The following SYN3 variants were observed in gnomAD, a reference collection of about 807,000 sequenced individuals.
SYN3 encodes the protein synapsin-3.
Under a neutral mutation model 65.8 loss-of-function variants are expected in SYN3, and 35 were observed. That is an observed-to-expected ratio of 0.53 (90% CI 0.41 to 0.70). SYN3 has a LOEUF of 0.70. Among genes scored for constraint, SYN3 ranks in the 30% least tolerant of loss-of-function variants. The probability of loss-of-function intolerance (pLI) is 0.00; values close to 1 mark genes in which losing one functional copy is unlikely to be tolerated. For synonymous variants in SYN3, 270 were observed against 292.9 expected, an observed-to-expected ratio of 0.92 and a Z score of 0.80; for missense variants, 680 against 749.0, an observed-to-expected ratio of 0.91 and a Z score of 1.08.
intron 7 of SYN3, among the ~76,000 whole-genome samples, chr22:32,581,986 G>A (rs1200671333): frequency 6.6e-6 from 1 of 151,686 alleles, no homozygotes; most frequent in African/African-American, 2.4e-5. Flanking sequence ...TTTTAGTAGA[G>A]ATGGGTTTTC....
chr22:32,897,450 A>G (rs933432852), intron 4 of SYN3, among the ~76,000 whole-genome samples: 2 of 152,200 alleles, frequency 1.3e-5, no homozygotes, highest in African/African-American at 4.8e-5. Context: ...TTACACACAG[A>G]GGGGGTTCCC....
At chr22:32,627,897 C>T (rs913022173) in intron 6 of SYN3, among the ~76,000 whole-genome samples, 14 of 152,132 alleles carry the variant, frequency 9.2e-5, no homozygotes, top group Admixed American at 3.3e-4. Context: ...GGCACCATCT[C>T]GGCTCACTGC....
chr22:32,522,875 C>T (rs1032518971), intron 12 of SYN3, among the ~76,000 whole-genome samples: 5 of 152,116 alleles, frequency 3.3e-5, no homozygotes, highest in South Asian at 2.1e-4. Context: ...CAGTGAGATA[C>T]GGAACTGGAT....
intron 4 of SYN3, among the ~76,000 whole-genome samples, chr22:32,928,121 G>A (rs2050525355): frequency 6.6e-6 from 1 of 152,158 alleles, no homozygotes. Flanking sequence ...ATGAGGTCAG[G>A]AGATGGAGAA....
chr22:32,838,629 A>T (rs1033154072), intron 6 of SYN3, among the ~76,000 whole-genome samples: 1 of 151,994 alleles, frequency 6.6e-6, no homozygotes, highest in Admixed American at 6.6e-5. Context: ...AGTCTTCAAT[A>T]TTTTGGAACA....
chr22:32,670,170 G>A (rs1234675117), intron 6 of SYN3, among the ~76,000 whole-genome samples: 1 of 152,200 alleles, frequency 6.6e-6, no homozygotes, highest in Admixed American at 6.5e-5. Flanking sequence ...GATTGGTAAT[G>A]AGATTTGTTT....
intron 1 of SYN3, among the ~76,000 whole-genome samples, chr22:33,052,976 G>A (rs2054196473): frequency 6.6e-6 from 1 of 152,156 alleles, no homozygotes; most frequent in Non-Finnish European, 1.5e-5. Flanking sequence ...ACAGAGTGTG[G>A]CAACCACTGA....
At chr22:32,958,888 C>A (rs2051551204) in intron 3 of SYN3, among the ~76,000 whole-genome samples, 1 of 152,032 alleles carries the variant, frequency 6.6e-6, no homozygotes, top group African/African-American at 2.4e-5. Flanking sequence ...GACGATAGAA[C>A]CCCAGTGAGG....
intron 6 of SYN3, among the ~76,000 whole-genome samples, chr22:32,632,078 G>T (rs1054993518): frequency 6.6e-6 from 1 of 152,240 alleles, no homozygotes; most frequent in Non-Finnish European, 1.5e-5. Context: ...ACAGATAAAG[G>T]TCTTGTGGCA....
chr22:32,704,547 T>C (rs5998593), intron 6 of SYN3, among the ~76,000 whole-genome samples: 47,295 of 152,150 alleles, frequency 0.31, 7,839 homozygotes, highest in Middle Eastern at 0.4. Flanking sequence ...CGTGTCTTTA[T>C]GGTAGAACAA....
intron 5 of SYN3, among the ~76,000 whole-genome samples, chr22:32,867,085 C>A (rs1452139164): frequency 3.9e-5 from 6 of 152,110 alleles, no homozygotes; most frequent in Admixed American, 1.3e-4. Context: ...AGTGGAGAAG[C>A]CTGGACCTAG....
intron 3 of SYN3, among the ~76,000 whole-genome samples, chr22:32,968,387 T>A (rs944567821): frequency 1.1e-4 from 17 of 152,158 alleles, no homozygotes; most frequent in Non-Finnish European, 1.9e-4. Flanking sequence ...ACCATTCCTA[T>A]CCAGCGAATC....
At chr22:32,694,304 C>A (rs1392203670) in intron 6 of SYN3, among the ~76,000 whole-genome samples, 1 of 152,206 alleles carries the variant, frequency 6.6e-6, no homozygotes, top group Non-Finnish European at 1.5e-5. Flanking sequence ...TCCCCTGCCA[C>A]ATATAAGCCA....
At chr22:32,791,973 C>T (rs1178212578) in intron 6 of SYN3, among the ~76,000 whole-genome samples, 1 of 152,128 alleles carries the variant, frequency 6.6e-6, no homozygotes, top group African/African-American at 2.4e-5. Context: ...TCTTTATAAA[C>T]ACAGGTCACT....
At chr22:32,828,153 G>A (rs1218617582) in intron 6 of SYN3, among the ~76,000 whole-genome samples, 1 of 152,216 alleles carries the variant, frequency 6.6e-6, no homozygotes, top group Non-Finnish European at 1.5e-5. Context: ...AGGAAAGAAT[G>A]CCCTTTTGAC....
At chr22:32,663,250 T>TC (rs1453874845) in intron 6 of SYN3, among the ~76,000 whole-genome samples, 1 of 151,924 alleles carries the variant, frequency 6.6e-6, no homozygotes, top group Non-Finnish European at 1.5e-5. Flanking sequence ...TTGTGAGGCC[T>TC]CCCCAGCCAT....
At chr22:32,857,967 T>C in intron 6 of SYN3, 1 of 1,613,868 alleles carries the variant, frequency 6.2e-7, no homozygotes, top group South Asian at 1.1e-5. Flanking sequence ...CTCTCTGGGC[T>C]AGGCTCTGGA....
At chr22:32,678,776 T>C (rs941897504) in intron 6 of SYN3, among the ~76,000 whole-genome samples, 23 of 152,148 alleles carry the variant, frequency 1.5e-4, no homozygotes, top group Admixed American at 7.2e-4. Flanking sequence ...ACAACTCTTA[T>C]GGTTTTTCTT....
At chr22:32,581,254 C>T (rs889343328) in intron 7 of SYN3, among the ~76,000 whole-genome samples, 7 of 152,156 alleles carry the variant, frequency 4.6e-5, no homozygotes, top group African/African-American at 7.2e-5. Context: ...AGACTACAGG[C>T]GCCCACCACC....
Sources: allele counts gnomAD v4.1 joint callset (sites outside exome capture counted in the v4.1 genomes callset), GRCh38; gene constraint gnomAD v4.1.1; transcripts MANE v1.5; gene names NCBI Gene and HGNC (gene_info 2026-07-23, HGNC 2026-07-21).